Variants in KCNC3 observed in about 807,000 individuals in gnomAD.
KCNC3 encodes potassium voltage-gated channel subfamily C member 3.
A neutral mutation model predicts 43.9 loss-of-function variants in KCNC3; 22 were observed. That is an observed-to-expected ratio of 0.50 (90% CI 0.36 to 0.72). The LOEUF is 0.72. Among genes scored for constraint, KCNC3 ranks in the 30% least tolerant of loss-of-function variants. The pLI, the probability that KCNC3 is intolerant of heterozygous loss-of-function variation, is 0.00. For synonymous variants in KCNC3, 492 were observed against 488.0 expected, an observed-to-expected ratio of 1.01 and a Z score of -0.11; for missense variants, 829 against 1,073.8, an observed-to-expected ratio of 0.77 and a Z score of 3.19.
In KCNC3 at chr19:50,328,266, G is replaced by A. The variant is rs1173869935; in HGVS notation, c.817C>T (p.Gln273Ter). The A allele has an allele frequency of 8.4e-7, 1 of 1,189,794 alleles. No individual in the cohort carries two copies. The allele number at this position is 1,189,794 out of a possible 1,614,324, so 73.7% of individuals were successfully genotyped here. ...TCGAAGAGCGCCCACACGCGGGGCTGCCAGCGGCGCCACCATGTGCCGCCC... is the reference window on the plus strand; with the variant it reads ...TCGAAGAGCGCCCACACGCGGGGCTACCAGCGGCGCCACCATGTGCCGCCC... Reference protein sequence around the residue: ...GAGGTWWRRWQPRVWALFEDP... With the variant: ...GAGGTWWRRW Residue 273 changes from glutamine to a stop codon, truncating the protein, a stop_gained, in exon 1 of 5, where the codon CAG (glutamine) becomes TAG (stop). Transcript: ENST00000477616. LOFTEE classifies it high-confidence loss of function.
intron 4 of KCNC3, among the ~76,000 whole-genome samples, chr19:50,317,730 C>T (rs1450746329): frequency 4.6e-5 from 7 of 152,184 alleles, no homozygotes; most frequent in Non-Finnish European, 1.0e-4. Flanking sequence ...CTTGCTGTTT[C>T]TTCTGCCTGC....
At position 50,312,472 on chromosome 19, in the gene KCNC3, T is replaced by A. The variant is rs1356120839; in HGVS notation, c.*3643A>T. 1 of 152,162 alleles carries A rather than the reference T, an allele frequency of 6.6e-6. No individual in the cohort carries two copies. Among genetic ancestry groups the A allele is most frequent in the East Asian group, 1.9e-4 (1 of 5,164 alleles). 9.4% of individuals were successfully genotyped at this position (152,162 alleles called of 1,614,324 possible). ...GGGCGCGTCATGCAGCGCATGCGTG[T>A]AGGTGCAGGCACCCTGGCGGCCGGG... is the stretch of plus-strand genomic sequence containing the variant. On this transcript the variant is annotated 3_prime_UTR_variant, in exon 5 of 5. Coordinates refer to ENST00000477616, the MANE Select transcript of KCNC3 (RefSeq NM_004977.3).
At chr19:50,320,871 A>G in intron 2 of KCNC3, 87 bp from the exon 3 acceptor site, 1 of 1,298,890 alleles carries the variant, frequency 7.7e-7, no homozygotes, top group Non-Finnish European at 1.1e-6. Flanking sequence ...TGCGAGGAGC[A>G]GATGCTGGGA....
chr19:50,323,686 G>A lies in KCNC3; in HGVS notation c.1267C>T (p.Arg423Cys). The A allele has an allele frequency of 1.9e-6, 3 of 1,614,184 alleles. No individual in the cohort carries two copies. The highest frequency in any genetic ancestry group is 2.5e-6 in the Non-Finnish European group (3 of 1,180,048). The change falls in exon 2 of 5, where the codon CGC (arginine) becomes TGC (cysteine). Residue 423 changes from arginine (R) to cysteine (C), a missense_variant. Around this residue, in one of 7 missense-constraint regions of KCNC3, gnomAD observed 157 missense variants for 293.5 expected, o/e 0.53. Transcript: ENST00000477616. ...AAGTGCCGGGTCAGCTTGAAGATGC[G>A]CAGGATGCGGACGAAGCGGACCACC... ...LRVVRFVRIL[R>C]IFKLTRHFVG... is the part of the protein sequence containing the mutation.
Position 50,329,067 on chromosome 19 carries a change from A to C in KCNC3, c.16T>G (p.Cys6Gly), listed in dbSNP as rs969993818. MLSSV[C>G]VSSFRGRQGA... is the part of the protein sequence containing the mutation. ...TGGCGCCCGCGGAAGGACGAGACGC[A>C]GACTGAGCTCAGCATTGGACGGGGG... Residue 6 changes from cysteine to glycine, a missense_variant, in exon 1 of 5, where the codon TGC becomes GGC. By Grantham distance (159) the Cys-to-Gly change is radical. Transcript: ENST00000477616. 2.5e-6 allele frequency: 3 copies of C among 1,194,760 alleles called. No homozygotes were observed. Among genetic ancestry groups the C allele is most frequent in the Non-Finnish European group, 3.2e-6 (3 of 940,536 alleles). 74.0% of individuals were successfully genotyped at this position (1,194,760 alleles called of 1,614,324 possible). A position where few individuals can be genotyped will look rare whatever the true frequency, so the allele number is the denominator to read the frequency against.
chr19:50,317,240 G>A (rs1237113171), intron 4 of KCNC3, among the ~76,000 whole-genome samples: 1 of 151,904 alleles, frequency 6.6e-6, no homozygotes, highest in Non-Finnish European at 1.5e-5. Context: ...GGGGGGGATG[G>A]AACAAGAGGA....
rs1455735125 is a variant in KCNC3, at chr19:50,329,009, G to A, written c.74C>T (p.Pro25Leu). 270 of 1,286,592 alleles carry A rather than the reference G, an allele frequency of 2.1e-4. No homozygotes were observed. The highest frequency in any genetic ancestry group is 2.7e-4 in the Non-Finnish European group (267 of 1,005,228). The allele number at this position is 1,286,592 out of a possible 1,614,324, so 79.7% of individuals were successfully genotyped here. The change falls in exon 1 of 5, where the codon CCG becomes CTG. Residue 25 changes from proline (P) to leucine (L), a missense_variant. Transcript: ENST00000477616. ...GASKQQPAPP[P>L]QPPESPPPPP... ...CGGCGGCGGGGACTCGGGCGGCTGC[G>A]GCGGTGGCGCCGGCTGCTGCTTGCT...
chr19:50,331,243 C>G (rs2037185015), upstream of KCNC3, among the ~76,000 whole-genome samples: 1 of 125,732 alleles, frequency 8.0e-6, no homozygotes, highest in African/African-American at 4.4e-5. Context: ...GCCTCAGTCT[C>G]TCCTCCCTGG....
At chr19:50,325,308 T>C (rs1396950048) in intron 1 of KCNC3, among the ~76,000 whole-genome samples, 2 of 151,542 alleles carry the variant, frequency 1.3e-5, no homozygotes, top group Non-Finnish European at 2.9e-5. Flanking sequence ...ATCCTGCGGG[T>C]AGTGGAGGAG....
At chr19:50,332,967 G>A (rs565574788), upstream of KCNC3, among the ~76,000 whole-genome samples, 604 of 152,180 alleles carry the variant, frequency 4.0e-3, 4 homozygotes, top group Middle Eastern at 0.014. This position sits in a 1 kb window ranked among gnomAD's most constrained non-coding sequence, Gnocchi z 5.8. Context: ...CGGAGCCTTG[G>A]TCTCTGGACA....
chr19:50,320,850 G>A, intron 2 of KCNC3, 66 bp from the exon 3 acceptor site: 1 of 1,500,328 alleles, frequency 6.7e-7, no homozygotes, highest in African/African-American at 1.4e-5. Context: ...CACGCGGTGG[G>A]GCAAGATGTC....
chr19:50,330,202 G>T (rs1041863696), upstream of KCNC3, among the ~76,000 whole-genome samples: 1 of 152,188 alleles, frequency 6.6e-6, no homozygotes, highest in African/African-American at 2.4e-5. Context: ...GGGAAGTAGA[G>T]GTTGCAATGA....
upstream of KCNC3, among the ~76,000 whole-genome samples, chr19:50,333,153 C>T (rs1211355510): frequency 6.6e-6 from 1 of 152,200 alleles, no homozygotes; most frequent in Admixed American, 6.5e-5. Context: ...TTACCGCCCC[C>T]GGACCCTGAG....
Position 50,328,297 on chromosome 19 carries a change from G to A in KCNC3, c.786C>T (p.Gly262=). The part of the protein sequence containing the change: ...GGAGGPPGGA[G]GAGGTWWRRW... ...GGCGCCACCATGTGCCGCCCGCGCC[G>A]CCCGCGCCCCCTGGCGGCCCCCCGG... is the stretch of plus-strand genomic sequence containing the variant. The change falls in exon 1 of 5, where the codon GGC becomes GGT. Residue 262 remains glycine (G), a synonymous_variant. Coordinates refer to ENST00000477616, the MANE Select transcript of KCNC3 (RefSeq NM_004977.3). The A allele has an allele frequency of 9.5e-6, 11 of 1,159,440 alleles. No individual in the cohort carries two copies. Among genetic ancestry groups the A allele is most frequent in the Non-Finnish European group, 1.2e-5 (11 of 945,614 alleles). 71.8% of individuals were successfully genotyped at this position (1,159,440 alleles called of 1,614,324 possible).
chr19:50,323,204 G>C lies in KCNC3; in HGVS notation c.1749C>G (p.Pro583=). 1 of 1,523,776 alleles carries C rather than the reference G, an allele frequency of 6.6e-7. No individual in the cohort carries two copies. The highest frequency in any genetic ancestry group is 1.2e-5 in the South Asian group (1 of 83,786). The allele number at this position is 1,523,776 out of a possible 1,614,324, so 94.4% of individuals were successfully genotyped here. The change falls in exon 2 of 5, where the codon CCC becomes CCG. Residue 583 remains proline, a synonymous_variant. Transcript: ENST00000477616. ...CGCTGCCGTGGTGCGGGTGGGGCGGGGGTGGCGGGGGTGGGTCAGGCTTGC... is the reference window on the plus strand; with the variant it reads ...CGCTGCCGTGGTGCGGGTGGGGCGGCGGTGGCGGGGGTGGGTCAGGCTTGC... ...NYCKPDPPPP[P]PPHPHHGSGG... is the part of the protein sequence containing the mutation.
Position 50,328,901 on chromosome 19 carries a change from G to A in KCNC3, c.182C>T (p.Pro61Leu). Residue 61 changes from proline to leucine, a missense_variant, in exon 1 of 5, where the codon CCC becomes CTC. Transcript: ENST00000477616. ...GCATGGCTCGGCGCGCCGGTCCCCG[G>A]GCCCGCGGGGTGCCGGGGGGCCCGC... is the stretch of plus-strand genomic sequence containing the variant. ...SPAGPPAPRG[P>L]GDRRAEPCPG... is the part of the protein sequence containing the mutation. The A allele has an allele frequency of 1.0e-6, 1 of 956,622 alleles. No individual in the cohort carries two copies. Among genetic ancestry groups the A allele is most frequent in the Non-Finnish European group, 1.2e-6 (1 of 802,378 alleles). The allele number at this position is 956,622 out of a possible 1,614,324, so 59.3% of individuals were successfully genotyped here.
intron 4 of KCNC3, among the ~76,000 whole-genome samples, chr19:50,318,991 C>CAAAAAAAAAAAAAAAAAAA (rs11326559): frequency 1.4e-5 from 1 of 71,440 alleles, no homozygotes; most frequent in Non-Finnish European, 2.4e-5. Context: ...AAGACAGTCT[C>CAAAAAAAAAAAAAAAAAAA]AAAAAAAAAA....
intron 1 of KCNC3, among the ~76,000 whole-genome samples, chr19:50,325,222 T>G (rs1225262241): frequency 6.6e-6 from 1 of 151,352 alleles, no homozygotes; most frequent in Admixed American, 6.6e-5. Context: ...TTATCAGATA[T>G]GCAGAGGGGT....
chr19:50,315,998 G>C lies in KCNC3; in HGVS notation c.*117C>G. 3 of 376,150 alleles carry C rather than the reference G, an allele frequency of 8.0e-6. No homozygotes were observed. The highest frequency in any genetic ancestry group is 3.3e-4 in the Middle Eastern group (1 of 3,010). 23.3% of individuals were successfully genotyped at this position (376,150 alleles called of 1,614,324 possible). A position where few individuals can be genotyped will look rare whatever the true frequency, so the allele number is the denominator to read the frequency against. ...GGGAGATTTGAAGCCCAGTGTCTTG[G>C]GGACACCCCCTCCCAGCCATTCCCA... On this transcript the variant is annotated 3_prime_UTR_variant, in exon 5 of 5. Coordinates refer to ENST00000477616, the MANE Select transcript of KCNC3 (RefSeq NM_004977.3).
Sources: gnomAD v4.1 joint callset for allele counts (sites outside exome capture counted in the v4.1 genomes callset) on GRCh38, gnomAD v4.1.1 for gene constraint, gnomAD v4.1.1 regional missense constraint, Gnocchi (gnomAD v3.1) non-coding constraint, MANE v1.5 for transcripts, NCBI Gene and HGNC (gene_info 2026-07-23, HGNC 2026-07-21) for gene names.